The following BCAS3 variants were observed in gnomAD, a reference collection of about 807,000 sequenced individuals.
BCAS3 encodes the protein BCAS3 microtubule associated cell migration factor, also known as BCAS4/BCAS3 fusion.
Under a neutral mutation model 116.1 loss-of-function variants are expected in BCAS3, and 53 were observed. The ratio of observed to expected loss-of-function variants is 0.46; its 90% CI spans 0.37 to 0.57. The LOEUF (loss-of-function observed/expected upper bound fraction) is 0.57, where lower values mean the gene tolerates loss of function less well. BCAS3 is among the 20% of genes least tolerant of loss of function. The pLI is 0.00. For missense variants in BCAS3, 917 were observed against 1,165.4 expected, an observed-to-expected ratio of 0.79 and a Z score of 3.10; for synonymous variants, 391 against 408.2, an observed-to-expected ratio of 0.96 and a Z score of 0.51.
At chr17:60,898,075 C>G (rs2057630492) in intron 10 of BCAS3, among the ~76,000 whole-genome samples, 1 of 151,902 alleles carries the variant, frequency 6.6e-6, no homozygotes, top group Middle Eastern at 3.2e-3. Flanking sequence ...AATTATCTGT[C>G]TCTTTGGTAA....
chr17:61,299,074 C>G (rs1486606374), intron 22 of BCAS3, among the ~76,000 whole-genome samples: 1 of 151,816 alleles, frequency 6.6e-6, no homozygotes, highest in Non-Finnish European at 1.5e-5. Context: ...CCTCCCACCT[C>G]AGCCTCCCAA....
At chr17:60,914,363 C>T (rs772774045) in intron 12 of BCAS3, among the ~76,000 whole-genome samples, 2 of 152,058 alleles carry the variant, frequency 1.3e-5, no homozygotes, top group East Asian at 1.9e-4. Context: ...AAGAATCTTA[C>T]GTAGTGGTAA....
chr17:60,765,674 G>T (rs1006880314), intron 6 of BCAS3, among the ~76,000 whole-genome samples: 1 of 152,044 alleles, frequency 6.6e-6, no homozygotes, highest in Non-Finnish European at 1.5e-5. Context: ...GTGTCTTGGG[G>T]TTGCTCTTCT....
chr17:61,059,052 T>C (rs1199212640), intron 19 of BCAS3, among the ~76,000 whole-genome samples: 1 of 146,964 alleles, frequency 6.8e-6, no homozygotes, highest in Admixed American at 6.8e-5. Context: ...CGAACTCTTT[T>C]TTCTCCCCAT....
chr17:61,110,765 T>A (rs1210646617), intron 22 of BCAS3, among the ~76,000 whole-genome samples: 22 of 152,138 alleles, frequency 1.4e-4, no homozygotes, highest in Admixed American at 4.6e-4. Context: ...CCTGCCTGCC[T>A]CTGTAGGCTC....
chr17:61,297,757 C>T (rs146181319), intron 22 of BCAS3, among the ~76,000 whole-genome samples: 5 of 152,200 alleles, frequency 3.3e-5, no homozygotes, highest in Non-Finnish European at 7.4e-5. Flanking sequence ...TACAGGTGTT[C>T]GTGTTCACTG....
chr17:61,172,430 G>A (rs1040583222), intron 22 of BCAS3, among the ~76,000 whole-genome samples: 2 of 151,638 alleles, frequency 1.3e-5, no homozygotes, highest in Non-Finnish European at 2.9e-5. Flanking sequence ...TCCAGAGATC[G>A]AGACCATCCT....
intron 7 of BCAS3, among the ~76,000 whole-genome samples, chr17:60,842,980 T>C (rs2052104792): frequency 6.6e-6 from 1 of 151,742 alleles, no homozygotes; most frequent in Non-Finnish European, 1.5e-5. Context: ...CAACGTATCC[T>C]CTCTCCTCAG....
intron 21 of BCAS3, among the ~76,000 whole-genome samples, chr17:61,080,928 C>A (rs1025072353): frequency 6.6e-6 from 1 of 152,094 alleles, no homozygotes; most frequent in Non-Finnish European, 1.5e-5. Context: ...CTAAAAATGA[C>A]ATTTTTTGAC....
rs141010219 is a variant in BCAS3, at chr17:60,981,235, G to C, written c.1222-8736G>C. On this transcript the variant is annotated intron_variant, in intron 14 of 23. Transcript: ENST00000407086. ...TAGGTGATCTCGATTAAGAGTCCAA[G>C]TAAGAGACTAATATAGTAACCTTGT... is the stretch of plus-strand genomic sequence containing the variant. 5.4e-3 allele frequency among the ~76,000 whole-genome samples: 815 copies of C among 152,140 alleles called. 6 individuals carry two copies. The highest frequency in any genetic ancestry group is 0.019 in the African/African-American group (775 of 41,502).
At chr17:60,734,631 A>G (rs1053488966) in intron 5 of BCAS3, among the ~76,000 whole-genome samples, 1 of 152,170 alleles carries the variant, frequency 6.6e-6, no homozygotes, top group Admixed American at 6.5e-5. Context: ...TCAAAGATCA[A>G]TTGACTGTAT....
At chr17:61,317,054 G>A (rs75286047) in intron 22 of BCAS3, among the ~76,000 whole-genome samples, 2,162 of 152,220 alleles carry the variant, frequency 0.014, 32 homozygotes, top group African/African-American at 0.034. Flanking sequence ...CAAAAATTCC[G>A]TTCACTGCTT....
chr17:60,815,905 A>AAT (rs1348709184), intron 7 of BCAS3, among the ~76,000 whole-genome samples: 6 of 152,194 alleles, frequency 3.9e-5, no homozygotes, highest in Admixed American at 2.0e-4. Context: ...GAGACCCTCG[A>AAT]ATATATATAT....
chr17:60,952,239 T>C (rs1213421092), intron 14 of BCAS3, among the ~76,000 whole-genome samples: 1 of 152,172 alleles, frequency 6.6e-6, no homozygotes, highest in African/African-American at 2.4e-5. Flanking sequence ...GGTTTGCACA[T>C]TTTTCTTTAT....
chr17:61,103,446 T>C (rs1308064172), intron 22 of BCAS3, among the ~76,000 whole-genome samples: 1 of 152,176 alleles, frequency 6.6e-6, no homozygotes, highest in Admixed American at 6.5e-5. Context: ...AGGTTTTTGG[T>C]GGGGACTAAG....
Position 61,214,641 on chromosome 17 carries a change from AGATCGCGCCACTGCACTCCAGCCTGGGC to A in BCAS3, c.2425+130080_2425+130107del. The stretch of plus-strand genomic sequence containing the variant: ...GGGAGGCGGAGCTTGCAGTGAGCCG[AGATCGCGCCACTGCACTCCAGCCTGGGC>A]GACAGAGCAAGACTCCATCTCAAAA... On this transcript the variant is annotated intron_variant, in intron 22 of 23. Transcript: ENST00000407086. The surrounding 1 kb of genome is among the most constrained non-coding windows in gnomAD (Gnocchi z 4.4). Among the ~76,000 whole-genome samples, 1 of 152,192 alleles carries A rather than the reference AGATCGCGCCACTGCACTCCAGCCTGGGC, an allele frequency of 6.6e-6. No individual in the cohort carries two copies. Among genetic ancestry groups the A allele is most frequent in the Non-Finnish European group, 1.5e-5 (1 of 67,992 alleles).
In BCAS3 at chr17:60,995,244, C is replaced by T. The variant is rs1450122596; in HGVS notation, c.1486+5009C>T. Among the ~76,000 whole-genome samples the T allele has an allele frequency of 3.9e-5, 6 of 152,290 alleles. No homozygotes were observed. Among genetic ancestry groups the T allele is most frequent in the South Asian group, 2.1e-4 (1 of 4,828 alleles). ...CTTGGCTTGCTGCAACCTCCACCTCCCGGGTTCAAGTGATTCTTCTGCTTC... is the reference window on the plus strand; with the variant it reads ...CTTGGCTTGCTGCAACCTCCACCTCTCGGGTTCAAGTGATTCTTCTGCTTC... On this transcript the variant is annotated intron_variant, in intron 15 of 23. Coordinates refer to ENST00000407086, the MANE Select transcript of BCAS3 (RefSeq NM_017679.5). This position sits in a 1 kb window ranked among gnomAD's most constrained non-coding sequence, Gnocchi z 4.7.
At chr17:60,715,397 A>T (rs763819062) in intron 5 of BCAS3, among the ~76,000 whole-genome samples, 1 of 151,096 alleles carries the variant, frequency 6.6e-6, no homozygotes, top group Non-Finnish European at 1.5e-5. Flanking sequence ...TAGACCTCCC[A>T]ACGTGTATAC....
intron 12 of BCAS3, among the ~76,000 whole-genome samples, chr17:60,920,815 A>AACCGAGATCATGCCACTGCAC (rs1455288039): frequency 5.9e-5 from 9 of 152,034 alleles, no homozygotes; most frequent in African/African-American, 1.4e-4. Flanking sequence ...GGTTGCAGTG[A>AACCGAGATCATGCCACTGCAC]ACCGAGATCA....
Sources: allele counts gnomAD v4.1 joint callset (sites outside exome capture counted in the v4.1 genomes callset), GRCh38; gene constraint gnomAD v4.1.1; non-coding constraint Gnocchi (gnomAD v3.1); transcripts MANE v1.5; gene names NCBI Gene and HGNC (gene_info 2026-07-23, HGNC 2026-07-21).